The following MYO3B variants were observed in gnomAD, a reference collection of about 807,000 sequenced individuals.
MYO3B encodes the protein myosin IIIB.
In MYO3B, 156 loss-of-function variants were observed where a neutral mutation model predicts 174.6. The ratio of observed to expected loss-of-function variants is 0.89; its 90% CI spans 0.78 to 1.02. The LOEUF (loss-of-function observed/expected upper bound fraction) is 1.02. Ranked by LOEUF, MYO3B falls within the 50% of genes least tolerant of loss-of-function variation. MYO3B has a pLI of 0.00. For synonymous variants in MYO3B, 563 were observed against 569.1 expected, an observed-to-expected ratio of 0.99 and a Z score of 0.15; for missense variants, 1,632 against 1,639.4, an observed-to-expected ratio of 1.00 and a Z score of 0.08.
chr2:170,211,942 T>TA lies in MYO3B; in HGVS notation c.322-2421dup, dbSNP rs35573351. Reference sequence around the variant, plus strand: ...GTCCTGGCCTGGTAAAATGTTTTCTTAAAAAAAAAAAAAAAAGCCAGCTGG... The same window carrying TA: ...GTCCTGGCCTGGTAAAATGTTTTCTTAAAAAAAAAAAAAAAAAGCCAGCTGG... On this transcript the variant is annotated intron_variant, in intron 3 of 34. Transcript: ENST00000408978. Among the ~76,000 whole-genome samples, 250 of 139,254 alleles carry TA rather than the reference T, an allele frequency of 1.8e-3. 3 individuals are homozygous for TA. Among genetic ancestry groups the TA allele is most frequent in the Middle Eastern group, 3.6e-3 (1 of 274 alleles). 91.4% of individuals were successfully genotyped at this position (139,254 alleles called of 152,430 possible).
chr2:170,259,116 T>G (rs1334579049), intron 7 of MYO3B, among the ~76,000 whole-genome samples: 2 of 152,158 alleles, frequency 1.3e-5, no homozygotes, highest in Admixed American at 1.3e-4. Flanking sequence ...AAAATCAGTG[T>G]TGTTAAAAAG....
At chr2:170,638,292 G>A (rs1697690770) in intron 32 of MYO3B, among the ~76,000 whole-genome samples, 1 of 152,166 alleles carries the variant, frequency 6.6e-6, no homozygotes, top group Non-Finnish European at 1.5e-5. Context: ...CTGGGCAAAG[G>A]CTGAGGTGAG....
intron 7 of MYO3B, among the ~76,000 whole-genome samples, chr2:170,251,395 T>C (rs1026550584): frequency 6.6e-6 from 1 of 152,006 alleles, no homozygotes; most frequent in African/African-American, 2.4e-5. Flanking sequence ...TTTAGGAAAA[T>C]GGTTTTTATA....
chr2:170,240,984 G>T (rs927845431), intron 7 of MYO3B, among the ~76,000 whole-genome samples: 9 of 152,066 alleles, frequency 5.9e-5, no homozygotes, highest in African/African-American at 2.2e-4. Flanking sequence ...AATACTTCAG[G>T]ATATCTTATT....
intron 7 of MYO3B, among the ~76,000 whole-genome samples, chr2:170,278,450 AAG>A (rs2093479590): frequency 6.6e-6 from 1 of 152,170 alleles, no homozygotes; most frequent in African/African-American, 2.4e-5. Flanking sequence ...AGATACTAAA[AAG>A]AGTTCATTCT....
Position 170,219,096 on chromosome 2 carries a change from G to T in MYO3B, c.603+1701G>T, listed in dbSNP as rs116382939. On this transcript the variant is annotated intron_variant, in intron 6 of 34. Coordinates refer to ENST00000408978, the MANE Select transcript of MYO3B (RefSeq NM_138995.5). The stretch of plus-strand genomic sequence containing the variant: ...TTATATCATCTGGAATGGCCCCCAG[G>T]CCTCTGGAAAATTCCTCCTTAATTG... Among the ~76,000 whole-genome samples, 440 of 152,292 alleles carry T rather than the reference G, an allele frequency of 2.9e-3. 2 individuals are homozygous for T. The highest frequency in any genetic ancestry group is 9.6e-3 in the African/African-American group (399 of 41,560).
At chr2:170,326,571 C>T (rs907401641) in intron 7 of MYO3B, among the ~76,000 whole-genome samples, 3 of 152,160 alleles carry the variant, frequency 2.0e-5, no homozygotes, top group Non-Finnish European at 4.4e-5. Context: ...GCCACACACC[C>T]ACTTGTCCCC....
At position 170,193,493 on chromosome 2, in the gene MYO3B, C is replaced by T. The variant is rs563022147; in HGVS notation, c.3-5715C>T. ...TAGATCTGTTTTTTCTATGTTTTGA[C>T]CTTATTAAAGAATCTTAATTGATAC... On this transcript the variant is annotated intron_variant, in intron 1 of 34. Coordinates refer to ENST00000408978, the MANE Select transcript of MYO3B (RefSeq NM_138995.5). Among the ~76,000 whole-genome samples, 17 of 151,948 alleles carry T rather than the reference C, an allele frequency of 1.1e-4. No individual in the cohort carries two copies. In the South Asian group the frequency reaches 3.1e-3, roughly 28 times the overall value.
chr2:170,615,550 T>G (rs1695404966), intron 32 of MYO3B, among the ~76,000 whole-genome samples: 1 of 152,248 alleles, frequency 6.6e-6, no homozygotes, highest in African/African-American at 2.4e-5. Context: ...AGGAGGAATG[T>G]ATTCATTATC....
chr2:170,204,819 C>A (rs1341706507), intron 3 of MYO3B, among the ~76,000 whole-genome samples: 1 of 152,138 alleles, frequency 6.6e-6, no homozygotes, highest in Non-Finnish European at 1.5e-5. Flanking sequence ...TGCCTTCTTA[C>A]AATTCTAAAG....
chr2:170,290,631 C>A lies in MYO3B; in HGVS notation c.750-44754C>A, dbSNP rs530727146. Among the ~76,000 whole-genome samples the A allele has an allele frequency of 3.2e-4, 49 of 152,246 alleles. 1 individual carries two copies. In the South Asian group the frequency reaches 9.7e-3, roughly 30 times the overall value. On this transcript the variant is annotated intron_variant, in intron 7 of 34. Coordinates refer to ENST00000408978, the MANE Select transcript of MYO3B (RefSeq NM_138995.5). ...TAATTGGATCTTGTTTCTGTCCCTT[C>A]AGCCACTCTCTAACTTTTAGTTGGA...
intron 28 of MYO3B, among the ~76,000 whole-genome samples, chr2:170,507,623 C>T (rs551838187): frequency 6.6e-6 from 1 of 152,182 alleles, no homozygotes; most frequent in East Asian, 1.9e-4. Context: ...AAACTCCTGA[C>T]CTCAAGTGAT....
intron 32 of MYO3B, among the ~76,000 whole-genome samples, chr2:170,548,039 C>T (rs569350862): frequency 4.4e-5 from 6 of 135,704 alleles, no homozygotes; most frequent in Admixed American, 8.3e-5. Flanking sequence ...CCCGGGAGGC[C>T]GTGCTTGCAG....
At chr2:170,588,135 C>CA (rs1693599603) in intron 32 of MYO3B, among the ~76,000 whole-genome samples, 1 of 152,028 alleles carries the variant, frequency 6.6e-6, no homozygotes, top group African/African-American at 2.4e-5. Flanking sequence ...TCAAGTATAT[C>CA]AATAAACACA....
At chr2:170,375,384 A>C (rs1370791771) in intron 9 of MYO3B, among the ~76,000 whole-genome samples, 1 of 152,208 alleles carries the variant, frequency 6.6e-6, no homozygotes, top group Non-Finnish European at 1.5e-5. Context: ...GAACCTCAGT[A>C]AAATTACAAG....
At chr2:170,535,305 T>C (rs147664649) in intron 30 of MYO3B, among the ~76,000 whole-genome samples, 12 of 152,330 alleles carry the variant, frequency 7.9e-5, no homozygotes, top group African/African-American at 2.9e-4. Context: ...ACATTGTTCT[T>C]ATACAGAATC....
At position 170,212,424 on chromosome 2, in the gene MYO3B, A is replaced by C. The variant is rs536784668; in HGVS notation, c.322-1955A>C. 2.6e-5 allele frequency among the ~76,000 whole-genome samples: 4 copies of C among 152,248 alleles called. No individual in the cohort carries two copies. The South Asian group carries it at 8.3e-4, about 32-fold the overall frequency. ...GCATAATTTCTCTACCCTCAGAAGA[A>C]GTCGGAGGACAAAAAGGCTTAGAAG... On this transcript the variant is annotated intron_variant, in intron 3 of 34. Coordinates refer to ENST00000408978, the MANE Select transcript of MYO3B (RefSeq NM_138995.5).
chr2:170,392,560 G>A, intron 16 of MYO3B, 65 bp downstream of exon 16: 2 of 1,057,296 alleles, frequency 1.9e-6, no homozygotes, highest in Non-Finnish European at 1.3e-6. Flanking sequence ...GTAAAGATGT[G>A]GTATTTCTCA....
At chr2:170,445,235 A>T (rs138970752) in intron 23 of MYO3B, among the ~76,000 whole-genome samples, 313 of 152,338 alleles carry the variant, frequency 2.1e-3, no homozygotes, top group African/African-American at 6.9e-3. Flanking sequence ...CTCACAATCA[A>T]TAGCACTGTA....
Sources: gnomAD v4.1 joint callset for allele counts (sites outside exome capture counted in the v4.1 genomes callset) on GRCh38, gnomAD v4.1.1 for gene constraint, MANE v1.5 for transcripts, NCBI Gene and HGNC (gene_info 2026-07-23, HGNC 2026-07-21) for gene names.